GRIA2: variants seen among roughly 807,000 people sequenced by gnomAD.
GRIA2 encodes the protein glutamate receptor 2.
Under a neutral mutation model 97.3 loss-of-function variants are expected in GRIA2, and 14 were observed. That is an observed-to-expected ratio of 0.14 (90% CI 0.10 to 0.23). The LOEUF (loss-of-function observed/expected upper bound fraction) is 0.23. GRIA2 is among the 10% of genes least tolerant of loss of function. The pLI is 1.00. For missense variants in GRIA2, 558 were observed against 1,069.8 expected (o/e 0.52, Z 6.67); for synonymous variants, 412 against 387.8 (o/e 1.06, Z -0.73).
At chr4:157,293,696 G>A (rs1355922248) in intron 2 of GRIA2, among the ~76,000 whole-genome samples, 1 of 151,968 alleles carries the variant, frequency 6.6e-6, no homozygotes, top group Non-Finnish European at 1.5e-5. Flanking sequence ...TAAATGTAAG[G>A]GCCAAAAACA....
At chr4:157,247,057 A>G (rs72685601) in intron 2 of GRIA2, among the ~76,000 whole-genome samples, 2,098 of 152,292 alleles carry the variant, frequency 0.014, 30 homozygotes, top group Middle Eastern at 0.037. Flanking sequence ...CATCAAGATA[A>G]AGATGACAGT....
intron 2 of GRIA2, among the ~76,000 whole-genome samples, chr4:157,266,019 G>A (rs900169421): frequency 3.3e-5 from 5 of 152,090 alleles, no homozygotes; most frequent in African/African-American, 4.8e-5. Flanking sequence ...ACTGCTGCAT[G>A]TAGAAGGTGA....
intron 11 of GRIA2, among the ~76,000 whole-genome samples, chr4:157,339,983 C>A (rs935344568): frequency 6.6e-6 from 1 of 151,584 alleles, no homozygotes; most frequent in Non-Finnish European, 1.5e-5. Flanking sequence ...TAATTATATT[C>A]TTTTTGTTAT....
chr4:157,333,010 A>C (rs866921546), intron 7 of GRIA2, 24 bp downstream of exon 7: 2 of 1,554,492 alleles, frequency 1.3e-6, no homozygotes, highest in Middle Eastern at 3.5e-4. Context: ...AATAATCGTT[A>C]ACGTGACTTA....
At chr4:157,343,533 C>T (rs986579450) in intron 12 of GRIA2, among the ~76,000 whole-genome samples, 15 of 152,142 alleles carry the variant, frequency 9.9e-5, no homozygotes, top group African/African-American at 2.9e-4. Context: ...GCTAGAGACA[C>T]GGTTGAAACC....
Position 157,220,828 on chromosome 4 carries a change from C to G in GRIA2, c.-215C>G, listed in dbSNP as rs1729458190. ...TGCATTCAGCCAGTCCTCCGGACTT[C>G]TGGAGCGGGGACAGGGCGCAGGGCA... On this transcript the variant is annotated 5_prime_UTR_variant, in exon 1 of 16. Transcript: ENST00000264426. The G allele has an allele frequency of 1.0e-5, 6 of 574,480 alleles. No homozygotes were observed. The highest frequency in any genetic ancestry group is 1.9e-5 in the Non-Finnish European group (6 of 322,772). 35.6% of individuals were successfully genotyped at this position (574,480 alleles called of 1,614,324 possible).
chr4:157,293,964 T>A (rs1733223178), intron 2 of GRIA2, among the ~76,000 whole-genome samples: 1 of 152,126 alleles, frequency 6.6e-6, no homozygotes, highest in Admixed American at 6.6e-5. Context: ...CATATTTATA[T>A]GATTTTGCAT....
chr4:157,338,331 G>A (rs945275141), intron 11 of GRIA2, among the ~76,000 whole-genome samples: 9 of 151,866 alleles, frequency 5.9e-5, no homozygotes, highest in Non-Finnish European at 1.2e-4. Context: ...AGGGAGAAGT[G>A]TATGTGGGTT....
At chr4:157,321,202 G>A (rs1443017086) in intron 5 of GRIA2, among the ~76,000 whole-genome samples, 2 of 152,158 alleles carry the variant, frequency 1.3e-5, no homozygotes, top group Non-Finnish European at 2.9e-5. Flanking sequence ...AGTGTTTCAT[G>A]AGATGATCCA....
At chr4:157,269,109 G>C (rs1362052474) in intron 2 of GRIA2, among the ~76,000 whole-genome samples, 1 of 151,852 alleles carries the variant, frequency 6.6e-6, no homozygotes, top group African/African-American at 2.4e-5. Flanking sequence ...GGTTCAATTG[G>C]GACAGTTGTT....
chr4:157,231,886 A>T (rs1271708175), intron 2 of GRIA2, among the ~76,000 whole-genome samples: 1 of 152,172 alleles, frequency 6.6e-6, no homozygotes, highest in Non-Finnish European at 1.5e-5. Context: ...GATTTAAATT[A>T]TTTTTCACAA....
At chr4:157,332,721 T>C in intron 6 of GRIA2, 98 bp from the exon 7 acceptor site, 1 of 735,048 alleles carries the variant, frequency 1.4e-6, no homozygotes, top group Non-Finnish European at 2.2e-6. Flanking sequence ...GACTTTTAAA[T>C]GGTATTGTGT....
intron 13 of GRIA2, 105 bp downstream of exon 13, chr4:157,360,248 C>A: frequency 1.8e-6 from 2 of 1,136,992 alleles, no homozygotes; most frequent in Admixed American, 2.5e-5. Flanking sequence ...TATGAGGTAA[C>A]TCACCATCAC....
chr4:157,292,331 A>G (rs1371839625), intron 2 of GRIA2, among the ~76,000 whole-genome samples: 1 of 152,106 alleles, frequency 6.6e-6, no homozygotes, highest in African/African-American at 2.4e-5. Context: ...GCATTGGGAA[A>G]TTGAACATCT....
chr4:157,343,991 G>T (rs535059381), intron 12 of GRIA2, among the ~76,000 whole-genome samples: 15 of 151,880 alleles, frequency 9.9e-5, no homozygotes, highest in Non-Finnish European at 1.5e-4. Flanking sequence ...TGTTTTCTAG[G>T]ATACTATGGC....
chr4:157,333,255 G>T lies in GRIA2; in HGVS notation c.1057G>T (p.Val353Phe). The T allele has an allele frequency of 6.4e-7, 1 of 1,561,772 alleles. No homozygotes were observed. Among genetic ancestry groups the T allele is most frequent in the African/African-American group, 1.4e-5 (1 of 73,652 alleles). The change falls in exon 8 of 16, where the codon GTT becomes TTT. Residue 353 changes from valine (V) to phenylalanine (F), a missense_variant. By Grantham distance (50) the Val-to-Phe change is conservative. This residue lies in a region of GRIA2 where 66 missense variants were observed against 118.7 expected (regional missense o/e 0.56). Transcript: ENST00000264426. ...EIERALKQVQ[V>F]EGLSGNIKFD... is the part of the protein sequence containing the mutation. ...TTTCCCATTTCTTCATTAGGTTCAG[G>T]TTGAAGGTCTCTCAGGAAATATAAA...
chr4:157,227,142 T>C (rs1487523579), intron 2 of GRIA2, among the ~76,000 whole-genome samples: 1 of 152,178 alleles, frequency 6.6e-6, no homozygotes, highest in Non-Finnish European at 1.5e-5. Flanking sequence ...TTAGTAAAAA[T>C]TTATTCTTAT....
intron 2 of GRIA2, among the ~76,000 whole-genome samples, chr4:157,274,228 T>A (rs1321291171): frequency 6.6e-6 from 1 of 151,922 alleles, no homozygotes; most frequent in Non-Finnish European, 1.5e-5. Context: ...CTAAAGAAGT[T>A]CCTCATCAAG....
At chr4:157,334,820 G>T (rs891698779) in intron 9 of GRIA2, 10 of 152,100 alleles carry the variant, frequency 6.6e-5, no homozygotes, top group African/African-American at 2.4e-4. Flanking sequence ...GTAAATTGGT[G>T]TGATTTATTC....
Sources: allele counts gnomAD v4.1 joint callset (sites outside exome capture counted in the v4.1 genomes callset), GRCh38; gene constraint gnomAD v4.1.1; regional missense constraint gnomAD v4.1.1; transcripts MANE v1.5; gene names NCBI Gene and HGNC (gene_info 2026-07-23, HGNC 2026-07-21).